Variants in LAMC1 observed in about 807,000 individuals in gnomAD.
The protein encoded by LAMC1 is laminin subunit gamma-1.
Under a neutral mutation model 173.6 loss-of-function variants are expected in LAMC1, and 38 were observed. That is an observed-to-expected ratio of 0.22 (90% confidence interval 0.17 to 0.29). The LOEUF (loss-of-function observed/expected upper bound fraction) is 0.29, where lower values mean the gene tolerates loss of function less well. LAMC1 is among the 10% of genes least tolerant of loss of function. The pLI is 1.00. For synonymous variants in LAMC1, 746 were observed against 749.1 expected, an observed-to-expected ratio of 1.00 and a Z score of 0.07; for missense variants, 1,824 against 2,051.8, an observed-to-expected ratio of 0.89 and a Z score of 2.14.
Position 183,023,958 on chromosome 1 carries a change from G to C in LAMC1, c.242G>C (p.Gly81Ala), listed in dbSNP as rs1360579842. The change falls in exon 1 of 28, where the codon GGG becomes GCG. Residue 81 changes from glycine to alanine, a missense_variant. Coordinates refer to ENST00000258341, the MANE Select transcript of LAMC1 (RefSeq NM_002293.4). ...TPPEEYCVQT[G>A]VTGVTKSCHL... is the part of the protein sequence containing the mutation. Reference sequence around the variant, plus strand: ...CCCGAGGAATACTGTGTGCAGACCGGGGTGACCGGGGTCACCAAGTCCTGT... The same window carrying C: ...CCCGAGGAATACTGTGTGCAGACCGCGGTGACCGGGGTCACCAAGTCCTGT... 6.2e-7 allele frequency: 1 copy of C among 1,613,276 alleles called. No individual in the cohort carries two copies.
chr1:183,082,450 A>G (rs1404998468), intron 1 of LAMC1, among the ~76,000 whole-genome samples: 2 of 152,148 alleles, frequency 1.3e-5, no homozygotes, highest in African/African-American at 2.4e-5. Context: ...CCTTGTGGAG[A>G]TATCATTATG....
chr1:183,120,380 T>C (rs1432745421), intron 11 of LAMC1, among the ~76,000 whole-genome samples: 1 of 151,984 alleles, frequency 6.6e-6, no homozygotes, highest in East Asian at 1.9e-4. Context: ...ATGTTTAGAA[T>C]TGGAAGCACA....
Position 183,023,787 on chromosome 1 carries a change from TGGC to T in LAMC1, c.78_80del (p.Ala30del). ...CGGCTCTGGCCCGTGCTGGCCGTGC[TGGC>T]GGCGGCCGCCGCGGCGGGCTGTGCC... On this transcript the variant is annotated inframe_deletion, in exon 1 of 28. Transcript: ENST00000258341. 1 of 1,480,842 alleles carries T rather than the reference TGGC, an allele frequency of 6.8e-7. No individual in the cohort carries two copies. The highest frequency in any genetic ancestry group is 9.0e-7 in the Non-Finnish European group (1 of 1,116,754). The allele number at this position is 1,480,842 out of a possible 1,614,324, so 91.7% of individuals were successfully genotyped here.
At position 183,133,390 on chromosome 1, in the gene LAMC1, A is replaced by G. The variant is rs560011878; in HGVS notation, c.3705-16A>G. On this transcript the variant is annotated splice_polypyrimidine_tract_variant and intron_variant, in intron 21 of 27. Coordinates refer to ENST00000258341, the MANE Select transcript of LAMC1 (RefSeq NM_002293.4). ...GCAGCTAAGATTGTCATTAAACCACATTATTTGTGTCTTAGGTATGAACAA... is the reference window on the plus strand; with the variant it reads ...GCAGCTAAGATTGTCATTAAACCACGTTATTTGTGTCTTAGGTATGAACAA... The G allele has an allele frequency of 2.5e-6, 4 of 1,605,456 alleles. No individual in the cohort carries two copies. In the Admixed American group the frequency reaches 6.7e-5, roughly 27 times the overall value.
At position 183,117,335 on chromosome 1, in the gene LAMC1, G is replaced by A. The variant is rs148393996; in HGVS notation, c.1580G>A (p.Arg527His). The A allele has an allele frequency of 2.4e-5, 38 of 1,608,834 alleles. No homozygotes were observed. Among genetic ancestry groups the A allele is most frequent in the Middle Eastern group, 3.3e-4 (2 of 6,060 alleles). Residue 527 changes from arginine (R) to histidine (H), a missense_variant, in exon 9 of 28, where the codon CGT becomes CAT. Coordinates refer to ENST00000258341, the MANE Select transcript of LAMC1 (RefSeq NM_002293.4). ...CTACCTGCAGATGAGGATGGGTGGCGTGCGGAACAGAGAGATGGCTCTGAA... is the reference window on the plus strand; with the variant it reads ...CTACCTGCAGATGAGGATGGGTGGCATGCGGAACAGAGAGATGGCTCTGAA... ...STFQIDEDGW[R>H]AEQRDGSEAS...
chr1:183,130,687 A>G, intron 19 of LAMC1, 138 bp downstream of exon 19: 1 of 650,448 alleles, frequency 1.5e-6, no homozygotes. Flanking sequence ...TATGGGGCAG[A>G]AAAGCCACAT....
chr1:183,126,343 C>A, intron 16 of LAMC1, 81 bp downstream of exon 16: 3 of 1,444,140 alleles, frequency 2.1e-6, no homozygotes, highest in African/African-American at 2.8e-5. Flanking sequence ...ACTTTGACAG[C>A]CTCAGTCTAG....
At chr1:183,053,818 G>C (rs1261463007) in intron 1 of LAMC1, among the ~76,000 whole-genome samples, 1 of 152,090 alleles carries the variant, frequency 6.6e-6, no homozygotes, top group Non-Finnish European at 1.5e-5. Flanking sequence ...TAGAGACGGG[G>C]TTTTACCATG....
intron 1 of LAMC1, among the ~76,000 whole-genome samples, chr1:183,100,300 G>A (rs1655801659): frequency 6.6e-6 from 1 of 152,066 alleles, no homozygotes; most frequent in Non-Finnish European, 1.5e-5. Context: ...TCTCCACACT[G>A]ATCTTTCTAA....
At chr1:183,075,944 G>A (rs1655112201) in intron 1 of LAMC1, among the ~76,000 whole-genome samples, 1 of 152,178 alleles carries the variant, frequency 6.6e-6, no homozygotes, top group South Asian at 2.1e-4. Flanking sequence ...CCTCCTTTGT[G>A]GAGAGGAAGA....
At chr1:183,102,455 G>A (rs1230543989) in intron 1 of LAMC1, among the ~76,000 whole-genome samples, 3 of 152,192 alleles carry the variant, frequency 2.0e-5, no homozygotes, top group African/African-American at 7.2e-5. Context: ...CATAGAAGTA[G>A]CAAAGTATAG....
At chr1:183,127,555 A>T (rs1656655748) in intron 17 of LAMC1, 151 bp downstream of exon 17, 2 of 630,318 alleles carry the variant, frequency 3.2e-6, no homozygotes, top group Non-Finnish European at 5.4e-6. Context: ...CAAATAATAA[A>T]AAATAAATAA....
At chr1:183,141,262 T>C (rs887828699) in intron 27 of LAMC1, 5 of 152,254 alleles carry the variant, frequency 3.3e-5, no homozygotes, top group African/African-American at 9.6e-5. Flanking sequence ...TGAGCTGTTA[T>C]CGTGCCACTG....
At chr1:183,086,299 A>G (rs866855282) in intron 1 of LAMC1, among the ~76,000 whole-genome samples, 12 of 152,178 alleles carry the variant, frequency 7.9e-5, no homozygotes, top group African/African-American at 2.9e-4. Flanking sequence ...TTTGCTCCAA[A>G]CTTGTGGAAG....
At chr1:183,071,079 T>G (rs1012267597) in intron 1 of LAMC1, among the ~76,000 whole-genome samples, 3 of 150,774 alleles carry the variant, frequency 2.0e-5, no homozygotes, top group Admixed American at 1.3e-4. Flanking sequence ...GAAGCTGGGT[T>G]TTTTTTGTTT....
chr1:183,026,133 T>G (rs1205688539), intron 1 of LAMC1, among the ~76,000 whole-genome samples: 1 of 152,210 alleles, frequency 6.6e-6, no homozygotes, highest in Non-Finnish European at 1.5e-5. Context: ...TTTGCTGAAA[T>G]TTTCCTCAAC....
At chr1:183,091,156 T>G (rs890177396) in intron 1 of LAMC1, among the ~76,000 whole-genome samples, 3 of 152,130 alleles carry the variant, frequency 2.0e-5, no homozygotes, top group South Asian at 4.1e-4. Context: ...CAAACTTCCT[T>G]GGACAAAATT....
chr1:183,143,068 A>T lies in LAMC1; in HGVS notation c.*278A>T. On this transcript the variant is annotated 3_prime_UTR_variant, in exon 28 of 28. Coordinates refer to ENST00000258341, the MANE Select transcript of LAMC1 (RefSeq NM_002293.4). ...GATTTGCGTGAGGACGTGGCATCCT[A>T]CGTTACTGTACAGTGGCATAAGCAC... The T allele has an allele frequency of 2.7e-6, 1 of 365,188 alleles. No individual in the cohort carries two copies. The allele number at this position is 365,188 out of a possible 1,614,324, so 22.6% of individuals were successfully genotyped here.
Position 183,124,850 on chromosome 1 carries a change from C to A in LAMC1, c.2621C>A (p.Ala874Asp), listed in dbSNP as rs199742966. The change falls in exon 14 of 28, where the codon GCT (alanine) becomes GAT (aspartate). Residue 874 changes from alanine to aspartate, a missense_variant. Transcript: ENST00000258341. ...CKDGFFGNPL[A>D]PNPADKCKAC... is the part of the protein sequence containing the mutation. ...GACGGATTTTTTGGAAATCCCCTGGCTCCCAATCCAGCAGACAAATGCAAA... is the reference window on the plus strand; with the variant it reads ...GACGGATTTTTTGGAAATCCCCTGGATCCCAATCCAGCAGACAAATGCAAA... The A allele has an allele frequency of 1.8e-5, 29 of 1,614,172 alleles. No homozygotes were observed.
Sources: allele counts gnomAD v4.1 joint callset (sites outside exome capture counted in the v4.1 genomes callset), GRCh38; gene constraint gnomAD v4.1.1; transcripts MANE v1.5; gene names NCBI Gene and HGNC (gene_info 2026-07-23, HGNC 2026-07-21).